CLCA2: variants seen among roughly 807,000 people sequenced by gnomAD.
CLCA2 encodes the protein chloride channel accessory 2.
In CLCA2, 85 loss-of-function variants were observed where a neutral mutation model predicts 82.9. The observed-to-expected ratio is 1.03, with a 90% CI of 0.86 to 1.23. The LOEUF is 1.23. Among genes scored for constraint, CLCA2 ranks in the 50% most tolerant of loss-of-function variants. The pLI is 0.00. For missense variants in CLCA2, 1,089 were observed against 1,124.8 expected (o/e 0.97, Z 0.45); for synonymous variants, 421 against 391.7 (o/e 1.07, Z -0.88).
At chr1:86,435,695 T>G (rs1662593352) in intron 6 of CLCA2, among the ~76,000 whole-genome samples, 1 of 152,196 alleles carries the variant, frequency 6.6e-6, no homozygotes, top group South Asian at 2.1e-4. Context: ...AGAGTCAACT[T>G]TTAAAGTTTT....
intron 5 of CLCA2, among the ~76,000 whole-genome samples, chr1:86,432,757 G>T (rs1181368887): frequency 6.6e-6 from 1 of 152,114 alleles, no homozygotes; most frequent in Admixed American, 6.5e-5. Flanking sequence ...TTAACAAAGG[G>T]ACTCTGGGGA....
intron 6 of CLCA2, among the ~76,000 whole-genome samples, chr1:86,438,178 TG>T: frequency 6.6e-6 from 1 of 152,102 alleles, no homozygotes; most frequent in East Asian, 1.9e-4. Context: ...CCTGAGTGGG[TG>T]GTCATTGAAG....
At chr1:86,432,341 A>G in intron 4 of CLCA2, 28 bp from the exon 5 acceptor site, 1 of 1,610,196 alleles carries the variant, frequency 6.2e-7, no homozygotes, top group South Asian at 1.1e-5. Flanking sequence ...AAATAGACCT[A>G]ATTCCCAGTT....
At chr1:86,451,402 A>C (rs191032640) in intron 12 of CLCA2, among the ~76,000 whole-genome samples, 2 of 152,318 alleles carry the variant, frequency 1.3e-5, no homozygotes, top group East Asian at 3.8e-4. Context: ...GATTCTTTAT[A>C]AATATTATTC....
chr1:86,443,652 T>C, intron 9 of CLCA2, 135 bp from the exon 10 acceptor site: 2 of 636,294 alleles, frequency 3.1e-6, no homozygotes, highest in South Asian at 5.0e-5. Context: ...TTATGAAAAA[T>C]GATGTATAAC....
At chr1:86,425,534 C>T (rs1662371929) in intron 2 of CLCA2, 58 bp downstream of exon 2, 5 of 1,371,174 alleles carry the variant, frequency 3.6e-6, no homozygotes, top group East Asian at 2.5e-5. Flanking sequence ...CCAAAATATA[C>T]TGTGCTCAAA....
chr1:86,430,187 A>G (rs915856896), intron 3 of CLCA2, among the ~76,000 whole-genome samples: 7 of 152,120 alleles, frequency 4.6e-5, no homozygotes, highest in Non-Finnish European at 8.8e-5. Flanking sequence ...TTTGAAGGGA[A>G]TGTAAGATTT....
chr1:86,456,098 A>G lies in CLCA2; in HGVS notation c.*571A>G, dbSNP rs1185103806. The stretch of plus-strand genomic sequence containing the variant: ...TCACTGTAAGAGGTAACCTTTAACA[A>G]TATGGGTATTACCTTTGTCTCTTCA... On this transcript the variant is annotated 3_prime_UTR_variant, in exon 14 of 14. Transcript: ENST00000370565. The G allele has an allele frequency of 6.6e-6, 1 of 152,180 alleles. No individual in the cohort carries two copies. The highest frequency in any genetic ancestry group is 1.9e-4 in the East Asian group (1 of 5,192). 9.4% of individuals were successfully genotyped at this position (152,180 alleles called of 1,614,324 possible).
At chr1:86,438,446 G>A (rs548597229) in intron 6 of CLCA2, among the ~76,000 whole-genome samples, 13 of 152,352 alleles carry the variant, frequency 8.5e-5, no homozygotes, top group African/African-American at 2.6e-4. Context: ...GCAGAGGGTA[G>A]TGCCGGGGCA....
At chr1:86,450,769 A>G (rs749251537) in intron 12 of CLCA2, 36 bp downstream of exon 12, 10 of 1,539,808 alleles carry the variant, frequency 6.5e-6, no homozygotes, top group Non-Finnish European at 8.8e-6. Flanking sequence ...GAGTAACATC[A>G]TTTCATGTAC....
rs769327909 is a variant in CLCA2 at position 86,425,516 on chromosome 1, A to T, written c.324+40A>T. 2.1e-6 allele frequency: 3 copies of T among 1,448,012 alleles called. No individual in the cohort carries two copies. The Admixed American group carries it at 7.2e-5, about 35-fold the overall frequency. The allele number at this position is 1,448,012 out of a possible 1,614,324, so 89.7% of individuals were successfully genotyped here. On this transcript the variant is annotated intron_variant, in intron 2 of 13. Transcript: ENST00000370565. ...TTTCATTCAATGATCTCAAGGGGAA[A>T]AAAAACACCAAAATATACTGTGCTC...
chr1:86,436,498 G>C (rs1373746113), intron 6 of CLCA2, among the ~76,000 whole-genome samples: 2 of 152,160 alleles, frequency 1.3e-5, no homozygotes, highest in African/African-American at 4.8e-5. Flanking sequence ...GAAATTTTTA[G>C]TTCAAAATAA....
At position 86,455,374 on chromosome 1, in the gene CLCA2, T is replaced by C. The variant is rs772213360; in HGVS notation, c.2679T>C (p.Asp893=). ...CTCTGTTTATTCCCCCCAATTCTGA[T>C]CCTGTACCTGCCAGAGATTATCTTA... ...QAPLFIPPNS[D]PVPARDYLIL... is the part of the protein sequence containing the mutation. The change falls in exon 14 of 14, where the codon GAT becomes GAC. Residue 893 remains aspartate, a synonymous_variant. Coordinates refer to ENST00000370565, the MANE Select transcript of CLCA2 (RefSeq NM_006536.7). 8 of 1,611,456 alleles carry C rather than the reference T, an allele frequency of 5.0e-6. No homozygotes were observed. The highest frequency in any genetic ancestry group is 1.6e-4 in the Middle Eastern group (1 of 6,068).
chr1:86,442,030 C>CCT (rs1346056339), intron 9 of CLCA2, among the ~76,000 whole-genome samples: 2 of 152,184 alleles, frequency 1.3e-5, no homozygotes, highest in African/African-American at 4.8e-5. Context: ...ACCAAAGCTT[C>CCT]CTCTAGTTAA....
chr1:86,444,011 G>A lies in CLCA2; in HGVS notation c.1713G>A (p.Lys571=), dbSNP rs766442549. The part of the protein sequence containing the change: ...TASLWIPGTA[K]PGHWTYTLNN... ...GTCTTTGGATTCCAGGAACAGCTAA[G>A]GTAGGTGTTGTGAGTTTGTTCCTAA... Residue 571 remains lysine, a splice_region_variant and synonymous_variant, in exon 10 of 14, where the codon AAG becomes AAA. Transcript: ENST00000370565. 1.0e-5 allele frequency: 16 copies of A among 1,590,250 alleles called. No individual in the cohort carries two copies. In the African/African-American group the frequency reaches 1.3e-4, roughly 13 times the overall value.
chr1:86,445,648 G>A (rs1426831491), intron 10 of CLCA2: 1 of 151,948 alleles, frequency 6.6e-6, no homozygotes, highest in Non-Finnish European at 1.5e-5. Context: ...CCTCTATCTT[G>A]ATAAAATGGT....
At chr1:86,441,629 C>T in intron 9 of CLCA2, 86 bp downstream of exon 9, 1 of 816,304 alleles carries the variant, frequency 1.2e-6, no homozygotes, top group Non-Finnish European at 2.0e-6. Context: ...GTGCTACCTG[C>T]TTCATTAACC....
chr1:86,428,678 CCACT>C (rs1209197635), intron 3 of CLCA2, 110 bp downstream of exon 3: 1 of 1,282,786 alleles, frequency 7.8e-7, no homozygotes, highest in Non-Finnish European at 1.1e-6. Context: ...CAAGGACTTA[CCACT>C]CAAAGGGGGA....
Position 86,436,905 on chromosome 1 carries a change from G to T in CLCA2, c.973-1971G>T, listed in dbSNP as rs988819677. On this transcript the variant is annotated intron_variant, in intron 6 of 13. Transcript: ENST00000370565. ...ATTTTGTATTTTTAGTAGAGATGGG[G>T]TTTCTCCATGATTGGTCAGGCTGGT... Among the ~76,000 whole-genome samples the T allele has an allele frequency of 2.6e-5, 4 of 152,120 alleles. No homozygotes were observed. In the South Asian group the frequency reaches 8.3e-4, roughly 32 times the overall value.
Sources: allele counts gnomAD v4.1 joint callset (sites outside exome capture counted in the v4.1 genomes callset), GRCh38; gene constraint gnomAD v4.1.1; transcripts MANE v1.5; gene names NCBI Gene and HGNC (gene_info 2026-07-23, HGNC 2026-07-21).